The following ESR2 variants were observed in gnomAD, a reference collection of about 807,000 sequenced individuals.
ESR2 encodes estrogen receptor beta.
In ESR2, 36 loss-of-function variants were observed where a neutral mutation model predicts 49.6. The observed-to-expected ratio is 0.73, with a 90% confidence interval of 0.56 to 0.96. The LOEUF is 0.96. Ranked by LOEUF, ESR2 falls within the 40% of genes least tolerant of loss-of-function variation. The pLI is 0.00. For missense variants in ESR2, 714 were observed against 693.0 expected, an observed-to-expected ratio of 1.03 and a Z score of -0.34; for synonymous variants, 320 against 266.1, an observed-to-expected ratio of 1.20 and a Z score of -1.97.
intron 7 of ESR2, 133 bp from the exon 8 acceptor site, chr14:64,235,283 A>G: frequency 1.1e-6 from 1 of 889,012 alleles, no homozygotes. Context: ...AGGAGCTTAT[A>G]AGCATGGTCT....
At chr14:64,238,551 C>A (rs117087988) in intron 7 of ESR2, among the ~76,000 whole-genome samples, 384 of 152,178 alleles carry the variant, frequency 2.5e-3, no homozygotes, top group Non-Finnish European at 4.4e-3. Context: ...CCTTGCTCAT[C>A]AAATACATAT....
At chr14:64,290,081 G>T (rs547307100) in intron 1 of ESR2, among the ~76,000 whole-genome samples, 1 of 152,032 alleles carries the variant, frequency 6.6e-6, no homozygotes, top group East Asian at 1.9e-4. Context: ...TAGCTTTTTT[G>T]GGGGGTGGGG....
rs527558617 is a variant in ESR2 at position 64,258,327 on chromosome 14, G to A, written c.953-963C>T. 1.7e-4 allele frequency among the ~76,000 whole-genome samples: 26 copies of A among 152,266 alleles called. No homozygotes were observed. The South Asian group carries it at 1.9e-3, about 11-fold the overall frequency. On this transcript the variant is annotated intron_variant, in intron 5 of 8. Coordinates refer to ENST00000341099, the MANE Select transcript of ESR2 (RefSeq NM_001437.3). ...TGCAAACAGGTAATCTCTGGGGAGG[G>A]AAGCACTTCAAAAGCAAAGCAGAGA...
chr14:64,298,246 C>T (rs2076983676), upstream of ESR2: 1 of 152,212 alleles, frequency 6.6e-6, no homozygotes, highest in African/African-American at 2.4e-5. Context: ...GGTTGATTCA[C>T]TTTTATTTCA....
In ESR2 at chr14:64,289,979, A is replaced by G. The variant is rs532973177; in HGVS notation, c.-91+4054T>C. 9.8e-5 allele frequency among the ~76,000 whole-genome samples: 15 copies of G among 152,378 alleles called. No individual in the cohort carries two copies. The South Asian group carries it at 3.1e-3, about 32-fold the overall frequency. On this transcript the variant is annotated intron_variant, in intron 1 of 8. Coordinates refer to ENST00000341099, the MANE Select transcript of ESR2 (RefSeq NM_001437.3). The stretch of plus-strand genomic sequence containing the variant: ...AGTAAAAAATTCACGCTCACAAAGC[A>G]GCAACTAGAAGGAATTTCATGGAAA...
chr14:64,242,557 T>G (rs959105601), intron 7 of ESR2, among the ~76,000 whole-genome samples: 3 of 151,930 alleles, frequency 2.0e-5, no homozygotes, highest in Non-Finnish European at 2.9e-5. Context: ...CCAAAAATTC[T>G]GCTTGTTCAT....
At chr14:64,332,289 C>T (rs1240558460) in intron 1 of ESR2, 1 of 152,172 alleles carries the variant, frequency 6.6e-6, no homozygotes, top group Non-Finnish European at 1.5e-5. Flanking sequence ...CTGTTTCAGG[C>T]TCCTATGTTT....
intron 6 of ESR2, among the ~76,000 whole-genome samples, chr14:64,250,534 G>A (rs187361886): frequency 6.6e-6 from 1 of 152,182 alleles, no homozygotes; most frequent in Non-Finnish European, 1.5e-5. Context: ...ATTATTGTCA[G>A]TCACAGGGTT....
intron 1 of ESR2, among the ~76,000 whole-genome samples, chr14:64,292,554 T>C (rs531265331): frequency 6.6e-6 from 1 of 152,336 alleles, no homozygotes; most frequent in South Asian, 2.1e-4. Flanking sequence ...CGTTCAAGCA[T>C]ACAATTCTCA....
chr14:64,323,971 C>T (rs1294469968), intron 1 of ESR2, among the ~76,000 whole-genome samples: 5 of 152,200 alleles, frequency 3.3e-5, no homozygotes, highest in South Asian at 2.1e-4. Context: ...GGATTACAGG[C>T]GTGAGCCACT....
chr14:64,313,683 A>C (rs1211545168), intron 1 of ESR2, among the ~76,000 whole-genome samples: 1 of 151,762 alleles, frequency 6.6e-6, no homozygotes, highest in East Asian at 1.9e-4. Flanking sequence ...AGGTCAGGAG[A>C]TCGAGACCAT....
In ESR2 at chr14:64,320,386, C is replaced by T. The variant is rs114948504; in HGVS notation, c.-91+17512G>A. ...TTTGAGATAAGCCTGGGCAACATAG[C>T]GAGACATCCATCTCAAAAAAAAAAA... On this transcript the variant is annotated intron_variant, in intron 1 of 8. Transcript: ENST00000358599. 4.6e-5 allele frequency among the ~76,000 whole-genome samples: 7 copies of T among 151,040 alleles called. No individual in the cohort carries two copies. In the East Asian group the frequency reaches 9.9e-4, roughly 21 times the overall value.
At chr14:64,323,318 C>T (rs1181127129) in intron 1 of ESR2, among the ~76,000 whole-genome samples, 1 of 152,050 alleles carries the variant, frequency 6.6e-6, no homozygotes, top group Non-Finnish European at 1.5e-5. Context: ...AATGATTCTC[C>T]CACCTCAGCC....
intron 1 of ESR2, among the ~76,000 whole-genome samples, chr14:64,290,559 T>G (rs2076855296): frequency 1.3e-5 from 2 of 152,144 alleles, no homozygotes; most frequent in African/African-American, 4.8e-5. Flanking sequence ...TGAGCCACCA[T>G]GGCCAGCTAA....
In ESR2 at chr14:64,260,690, C is replaced by T. The variant is rs763467918; in HGVS notation, c.711G>A (p.Glu237=). 10 of 1,555,398 alleles carry T rather than the reference C, an allele frequency of 6.4e-6. No individual in the cohort carries two copies. The Admixed American group carries it at 1.9e-4, about 30-fold the overall frequency. Residue 237 remains glutamate (E), a synonymous_variant, in exon 5 of 9, where the codon GAG becomes GAA. Transcript: ENST00000341099. The stretch of plus-strand genomic sequence containing the variant: ...TGGCCTTGCCGGCACAGTGCAGCTG[C>T]TCGTCGGCACTTCTCTGTCTCCGCA... The part of the protein sequence containing the change: ...RLVRRQRSAD[E]QLHCAGKAKR...
intron 1 of ESR2, among the ~76,000 whole-genome samples, chr14:64,292,583 T>A (rs770284028): frequency 6.8e-4 from 104 of 152,208 alleles, no homozygotes; most frequent in Non-Finnish European, 1.2e-3. Context: ...AGATGTATTA[T>A]CAAAAACTTA....
At chr14:64,299,464 A>C (rs1316309218) in intron 1 of ESR2, among the ~76,000 whole-genome samples, 1 of 149,392 alleles carries the variant, frequency 6.7e-6, no homozygotes, top group Admixed American at 6.8e-5. Flanking sequence ...GCAGTGGCAC[A>C]ATCTTCCGCC....
At chr14:64,311,104 T>C (rs960679470) in intron 1 of ESR2, among the ~76,000 whole-genome samples, 1 of 152,200 alleles carries the variant, frequency 6.6e-6, no homozygotes. Context: ...GATTTAAGGA[T>C]GCTGAAATTA....
chr14:64,239,566 T>C (rs2075677298), intron 7 of ESR2, among the ~76,000 whole-genome samples: 1 of 152,230 alleles, frequency 6.6e-6, no homozygotes, highest in Admixed American at 6.5e-5. Context: ...CTAAATTCCA[T>C]ACCCCCTCTA....
Sources: allele counts gnomAD v4.1 joint callset (sites outside exome capture counted in the v4.1 genomes callset), GRCh38; gene constraint gnomAD v4.1.1; transcripts MANE v1.5; gene names NCBI Gene and HGNC (gene_info 2026-07-23, HGNC 2026-07-21).